The following ARHGAP39 variants were observed in gnomAD, a reference collection of about 807,000 sequenced individuals.
The protein encoded by ARHGAP39 is Rho GTPase activating protein 39.
In ARHGAP39, 44 loss-of-function variants were observed where a neutral mutation model predicts 106.9. That is an observed-to-expected ratio of 0.41 (90% confidence interval 0.32 to 0.53). The LOEUF is 0.53. Among genes scored for constraint, ARHGAP39 ranks in the 20% least tolerant of loss-of-function variants. The pLI is 0.21. For synonymous variants in ARHGAP39, 768 were observed against 693.2 expected (o/e 1.11, Z -1.69); for missense variants, 1,496 against 1,577.3 (o/e 0.95, Z 0.87).
chr8:144,687,338 T>C (rs1252595212), upstream of ARHGAP39, among the ~76,000 whole-genome samples: 264 of 1,742 alleles, frequency 0.15, 46 homozygotes, highest in Non-Finnish European at 0.2. Flanking sequence ...TTCCCACCCC[T>C]GTGACCACGC....
rs777473259 is a variant in ARHGAP39, at chr8:144,545,537, C to T, written c.2233G>A (p.Glu745Lys). Residue 745 changes from glutamate (E) to lysine (K), a missense_variant, in exon 6 of 12, where the codon GAG becomes AAG. Physicochemically the swap from Glu to Lys is moderately conservative, Grantham distance 56 (BLOSUM62 1). Coordinates refer to ENST00000377307, the MANE Select transcript of ARHGAP39 (RefSeq NM_025251.3). Reference protein sequence around the residue: ...SDRHVKKEACELFKLIQMYMG... With the variant: ...SDRHVKKEACKLFKLIQMYMG... ...TACATCTGGATCAGCTTGAAGAGCT[C>T]GCAGGCCTCCTTCTTCACGTGCCGG... The T allele has an allele frequency of 3.7e-6, 6 of 1,613,466 alleles. No individual in the cohort carries two copies. The highest frequency in any genetic ancestry group is 3.4e-6 in the Non-Finnish European group (4 of 1,179,998).
intron 1 of ARHGAP39, among the ~76,000 whole-genome samples, chr8:144,635,709 C>T (rs1424000791): frequency 6.6e-6 from 1 of 152,220 alleles, no homozygotes. Flanking sequence ...GCTAGGTAGA[C>T]AGTGTGGAGA....
intron 1 of ARHGAP39, among the ~76,000 whole-genome samples, chr8:144,620,686 A>T (rs1432920738): frequency 1.3e-5 from 2 of 152,212 alleles, no homozygotes; most frequent in Non-Finnish European, 2.9e-5. Context: ...TGATGGCTCC[A>T]AACCCAATTC....
chr8:144,605,723 G>A, intron 1 of ARHGAP39, 28 bp from the exon 2 acceptor site: 2 of 1,067,388 alleles, frequency 1.9e-6, no homozygotes, highest in Non-Finnish European at 2.8e-6. Flanking sequence ...CAACAGTGCT[G>A]ATATGGAAGA....
chr8:144,564,011 G>A (rs922547025), intron 3 of ARHGAP39, among the ~76,000 whole-genome samples: 1 of 152,192 alleles, frequency 6.6e-6, no homozygotes, highest in South Asian at 2.1e-4. Flanking sequence ...ACTTCCCATG[G>A]TGTCTAAAAT....
rs369254337 is a variant in ARHGAP39, at chr8:144,589,072, A to C, written c.81-7795T>G. Among the ~76,000 whole-genome samples the C allele has an allele frequency of 7.9e-5, 12 of 152,256 alleles. No individual in the cohort carries two copies. The South Asian group carries it at 2.3e-3, about 29-fold the overall frequency. ...GCATAAGGTGTGGATTCCGTTAGTAACAATTCCCGGCAGGGGCTCATCAAC... is the reference window on the plus strand; with the variant it reads ...GCATAAGGTGTGGATTCCGTTAGTACCAATTCCCGGCAGGGGCTCATCAAC... On this transcript the variant is annotated intron_variant, in intron 2 of 11. Coordinates refer to ENST00000377307, the MANE Select transcript of ARHGAP39 (RefSeq NM_025251.3).
intron 6 of ARHGAP39, among the ~76,000 whole-genome samples, chr8:144,544,557 G>A (rs1445979567): frequency 6.6e-6 from 1 of 152,222 alleles, no homozygotes; most frequent in Non-Finnish European, 1.5e-5. Flanking sequence ...CATGATGTGA[G>A]GTGGAGAGCT....
At chr8:144,683,612 GC>G (rs1822488348) in intron 1 of ARHGAP39, 1 of 152,028 alleles carries the variant, frequency 6.6e-6, no homozygotes, top group African/African-American at 2.4e-5. Flanking sequence ...TTCCCAAAGT[GC>G]TGGCATTACA....
chr8:144,637,839 C>T (rs1821211131), intron 1 of ARHGAP39, among the ~76,000 whole-genome samples: 1 of 151,644 alleles, frequency 6.6e-6, no homozygotes. Flanking sequence ...AGGTGTGTGC[C>T]ACCCACACAT....
chr8:144,595,540 G>A (rs1171425251), intron 2 of ARHGAP39, among the ~76,000 whole-genome samples: 2 of 152,228 alleles, frequency 1.3e-5, no homozygotes, highest in Non-Finnish European at 2.9e-5. Flanking sequence ...TTTGTGGCAT[G>A]TGAATTATAT....
intron 2 of ARHGAP39, among the ~76,000 whole-genome samples, chr8:144,602,638 G>A (rs1215199193): frequency 1.4e-5 from 2 of 144,262 alleles, no homozygotes; most frequent in African/African-American, 2.6e-5. Context: ...GGAGGCGTGT[G>A]TGTGCTCGTG....
intron 3 of ARHGAP39, among the ~76,000 whole-genome samples, chr8:144,565,863 G>A (rs939322990): frequency 1.1e-4 from 16 of 151,458 alleles, no homozygotes; most frequent in East Asian, 7.8e-4. Context: ...AGGCTGAGGC[G>A]GGAGGATCGC....
At chr8:144,680,439 G>A (rs926448966) in intron 1 of ARHGAP39, among the ~76,000 whole-genome samples, 14 of 152,138 alleles carry the variant, frequency 9.2e-5, no homozygotes, top group Admixed American at 2.6e-4. Context: ...ACAAAAACAC[G>A]CAGAGGAGTC....
intron 1 of ARHGAP39, among the ~76,000 whole-genome samples, chr8:144,637,517 G>C (rs1353075155): frequency 1.3e-5 from 2 of 152,154 alleles, no homozygotes; most frequent in Non-Finnish European, 2.9e-5. Context: ...GGTTGAGGCA[G>C]GAAAATCGCT....
rs923288412 is a variant in ARHGAP39, at chr8:144,641,385, C to T, written c.-81-35690G>A. Among the ~76,000 whole-genome samples, 9 of 152,198 alleles carry T rather than the reference C, an allele frequency of 5.9e-5. No homozygotes were observed. The highest frequency in any genetic ancestry group is 2.6e-4 in the Admixed American group (4 of 15,294). ...AAATGAGACAACATGGAGATGCAGA[C>T]GCAGGCAGATGATGGGCTGGTAAAG... On this transcript the variant is annotated intron_variant, in intron 1 of 11. Coordinates refer to ENST00000377307, the MANE Select transcript of ARHGAP39 (RefSeq NM_025251.3). The surrounding 1 kb of genome is among the most constrained non-coding windows in gnomAD (Gnocchi z 5.2).
chr8:144,648,126 T>C (rs1821489230), intron 1 of ARHGAP39, among the ~76,000 whole-genome samples: 1 of 152,134 alleles, frequency 6.6e-6, no homozygotes, highest in African/African-American at 2.4e-5. Context: ...GAGGACACCA[T>C]GCTATAACAT....
At chr8:144,655,527 A>G (rs1821672745) in intron 1 of ARHGAP39, among the ~76,000 whole-genome samples, 1 of 151,824 alleles carries the variant, frequency 6.6e-6, no homozygotes, top group Non-Finnish European at 1.5e-5. Context: ...CTCTGCTGAG[A>G]GCTGAATGCT....
rs1032466414 is a variant in ARHGAP39 at position 144,641,286 on chromosome 8, C to T, written c.-81-35591G>A. ...CAGAGGACGGGAAAGGAGAGGCAGA[C>T]GCTATTAAATTCTTTATGGAATGAA... On this transcript the variant is annotated intron_variant, in intron 1 of 11. Coordinates refer to ENST00000377307, the MANE Select transcript of ARHGAP39 (RefSeq NM_025251.3). This position sits in a 1 kb window ranked among gnomAD's most constrained non-coding sequence, Gnocchi z 5.2. Among the ~76,000 whole-genome samples the T allele has an allele frequency of 3.9e-5, 6 of 152,072 alleles. No individual in the cohort carries two copies. Among genetic ancestry groups the T allele is most frequent in the Non-Finnish European group, 5.9e-5 (4 of 68,018 alleles).
At chr8:144,602,090 C>CGT (rs200623745) in intron 2 of ARHGAP39, among the ~76,000 whole-genome samples, 26 of 124,044 alleles carry the variant, frequency 2.1e-4, no homozygotes, top group African/African-American at 7.9e-4. Context: ...TGTGTGGAGG[C>CGT]GTGTGTGCTC....
Sources: gnomAD v4.1 joint callset for allele counts (sites outside exome capture counted in the v4.1 genomes callset) on GRCh38, gnomAD v4.1.1 for gene constraint, Gnocchi (gnomAD v3.1) non-coding constraint, MANE v1.5 for transcripts, NCBI Gene and HGNC (gene_info 2026-07-23, HGNC 2026-07-21) for gene names.